NOS1: variants seen among roughly 807,000 people sequenced by gnomAD.
The protein encoded by NOS1 is nitric oxide synthase 1.
NOS1 carries 51 observed loss-of-function variants against 164.5 expected under a neutral mutation model. The ratio of observed to expected loss-of-function variants is 0.31; its 90% CI spans 0.25 to 0.39. The LOEUF (loss-of-function observed/expected upper bound fraction) is 0.39. NOS1 is among the 10% of genes least tolerant of loss of function. The probability of loss-of-function intolerance (pLI) is 1.00; values close to 1 mark genes in which losing one functional copy is unlikely to be tolerated. For synonymous variants in NOS1, 719 were observed against 745.8 expected (o/e 0.96, Z 0.59); for missense variants, 1,362 against 1,885.6 (o/e 0.72, Z 5.14).
chr12:117,261,178 C>CAAAAA lies in NOS1; in HGVS notation c.2223-574_2223-570dup, dbSNP rs534260940. 4.0e-4 allele frequency among the ~76,000 whole-genome samples: 31 copies of CAAAAA among 77,260 alleles called. 1 individual carries two copies. Among genetic ancestry groups the CAAAAA allele is most frequent in the African/African-American group, 1.1e-3 (25 of 22,006 alleles). 50.7% of individuals were successfully genotyped at this position (77,260 alleles called of 152,430 possible). On this transcript the variant is annotated intron_variant, in intron 13 of 28. Transcript: ENST00000317775. Reference sequence around the variant, plus strand: ...TGGGCGACAGAGTGAGACTCTGCCTCAAAAAAAAAAAAAAAAAAAAAAAAA... The same window carrying CAAAAA: ...TGGGCGACAGAGTGAGACTCTGCCTCAAAAAAAAAAAAAAAAAAAAAAAAAAAAAA...
At chr12:117,311,756 G>A (rs567678430) in intron 2 of NOS1, among the ~76,000 whole-genome samples, 164 bp from the exon 3 acceptor site, 1 of 152,278 alleles carries the variant, frequency 6.6e-6, no homozygotes, top group African/African-American at 2.4e-5. Flanking sequence ...TCATAAAGAC[G>A]GACAGTGACA....
At position 117,224,888 on chromosome 12, in the gene NOS1, G is replaced by A. The variant is rs978565684; in HGVS notation, c.3826+128C>T. On this transcript the variant is annotated intron_variant, in intron 25 of 28. Coordinates refer to ENST00000317775, the MANE Select transcript of NOS1 (RefSeq NM_000620.5). Reference sequence around the variant, plus strand: ...CCTGTAGGTCAGGCTGGTGCTACACGCCCCAGCTTTTCTGAGGCGGTGATG... The same window carrying A: ...CCTGTAGGTCAGGCTGGTGCTACACACCCCAGCTTTTCTGAGGCGGTGATG... The A allele has an allele frequency of 1.3e-5, 16 of 1,240,080 alleles. 1 individual carries two copies. The highest frequency in any genetic ancestry group is 2.6e-5 in the South Asian group (2 of 78,146). The allele number at this position is 1,240,080 out of a possible 1,614,324, so 76.8% of individuals were successfully genotyped here.
In NOS1 at chr12:117,330,519, C is replaced by T. The variant is rs750946444; in HGVS notation, c.551G>A (p.Gly184Asp). The part of the protein sequence containing the change: ...HANGLAPRPP[G>D]QDPAKKATRV... ...GGTTGCTTTCTTCGCGGGGTCCTGG[C>T]CTGGGGGCCTGGGGGCCAGGCCGTT... Residue 184 changes from glycine (G) to aspartate (D), a missense_variant, in exon 2 of 29, where the codon GGC (glycine) becomes GAC (aspartate). This residue lies in a region of NOS1 where 362 missense variants were observed against 402.0 expected (regional missense o/e 0.90). Transcript: ENST00000317775. The surrounding 1 kb of genome is among the most constrained non-coding windows in gnomAD (Gnocchi z 4.6). 1.2e-6 allele frequency: 2 copies of T among 1,613,902 alleles called. No homozygotes were observed. Among genetic ancestry groups the T allele is most frequent in the East Asian group, 2.2e-5 (1 of 44,868 alleles).
Position 117,243,448 on chromosome 12 carries a change from C to A in NOS1, c.2824-13G>T. 6.2e-7 allele frequency: 1 copy of A among 1,613,408 alleles called. No individual in the cohort carries two copies. Among genetic ancestry groups the A allele is most frequent in the South Asian group, 1.1e-5 (1 of 90,930 alleles). On this transcript the variant is annotated splice_polypyrimidine_tract_variant and intron_variant, in intron 18 of 28. Coordinates refer to ENST00000317775, the MANE Select transcript of NOS1 (RefSeq NM_000620.5). The surrounding 1 kb of genome is among the most constrained non-coding windows in gnomAD (Gnocchi z 4.3). The stretch of plus-strand genomic sequence containing the variant: ...CATCACAGGCTGCCTGTGGTGTACA[C>A]AAGGCTTTCAGTGACCTCTTTCAGC...
intron 2 of NOS1, among the ~76,000 whole-genome samples, chr12:117,322,622 C>A (rs914320438): frequency 1.4e-5 from 2 of 138,222 alleles, no homozygotes; most frequent in African/African-American, 5.4e-5. Context: ...TCCTTCCTAC[C>A]CTCTCTCATT....
At chr12:117,332,416 T>C (rs750236793) in intron 1 of NOS1, among the ~76,000 whole-genome samples, 81 of 152,180 alleles carry the variant, frequency 5.3e-4, no homozygotes, top group Non-Finnish European at 1.0e-3. Flanking sequence ...TTTAAACTTA[T>C]ACTCTAGCTC....
chr12:117,212,074 A>G lies in NOS1; in HGVS notation c.*3235T>C. 3.3e-6 allele frequency: 3 copies of G among 914,488 alleles called. No homozygotes were observed. Among genetic ancestry groups the G allele is most frequent in the Non-Finnish European group, 3.9e-6 (3 of 772,988 alleles). The allele number at this position is 914,488 out of a possible 1,614,324, so 56.6% of individuals were successfully genotyped here. On this transcript the variant is annotated 3_prime_UTR_variant, in exon 29 of 29. Coordinates refer to ENST00000317775, the MANE Select transcript of NOS1 (RefSeq NM_000620.5). ...GAGCAAGACTCTGTCAAAAAAAAAA[A>G]TAGATTCTAACCTTCTGCACGAGAG...
chr12:117,264,079 G>C, intron 12 of NOS1, 105 bp from the exon 13 acceptor site: 1 of 761,992 alleles, frequency 1.3e-6, no homozygotes, highest in Non-Finnish European at 2.1e-6. Flanking sequence ...CCTGACCCTC[G>C]GCCTCTGAAG....
At chr12:117,302,170 A>C in intron 3 of NOS1, 3 of 442,578 alleles carry the variant, frequency 6.8e-6, no homozygotes, top group Non-Finnish European at 9.1e-6. Flanking sequence ...GATATTGCTC[A>C]ATAAATATAT....
Position 117,226,690 on chromosome 12 carries a change from C to T in NOS1, c.3697G>A (p.Val1233Met), listed in dbSNP as rs757780284. 21 of 1,613,728 alleles carry T rather than the reference C, an allele frequency of 1.3e-5. No homozygotes were observed. The highest frequency in any genetic ancestry group is 2.2e-5 in the East Asian group (1 of 44,888). Reference protein sequence around the residue: ...IQADELVPCFVRGAPSFHLPR... With the variant: ...IQADELVPCFMRGAPSFHLPR... ...TCTCCACTTATTACTCACCCTCTCA[C>T]GAAACAGGGGACCAGTTCGTCAGCC... The change falls in exon 24 of 29, where the codon GTG (valine) becomes ATG (methionine). Residue 1233 changes from valine to methionine, a missense_variant. Transcript: ENST00000317775.
At position 117,214,069 on chromosome 12, in the gene NOS1, A is replaced by G. The variant is rs1370307307; in HGVS notation, c.*1240T>C. 1.0e-6 allele frequency: 1 copy of G among 985,246 alleles called. No individual in the cohort carries two copies. The highest frequency in any genetic ancestry group is 1.2e-6 in the Non-Finnish European group (1 of 829,924). 61.0% of individuals were successfully genotyped at this position (985,246 alleles called of 1,614,324 possible). A position where few individuals can be genotyped will look rare whatever the true frequency, so the allele number is the denominator to read the frequency against. The stretch of plus-strand genomic sequence containing the variant: ...CTGAGGGACAAGTTCTTCCCACCCC[A>G]AGTTGTGGCTCCTATCGAAGAAGCC... On this transcript the variant is annotated 3_prime_UTR_variant, in exon 29 of 29. Coordinates refer to ENST00000317775, the MANE Select transcript of NOS1 (RefSeq NM_000620.5).
intron 28 of NOS1, 52 bp downstream of exon 28, chr12:117,217,994 C>T: frequency 1.5e-6 from 2 of 1,306,454 alleles, no homozygotes; most frequent in Admixed American, 1.7e-5. Flanking sequence ...CCCAGTGGGA[C>T]CTAGAAGAGA....
intron 11 of NOS1, among the ~76,000 whole-genome samples, chr12:117,266,242 C>A (rs186774951): frequency 1.2e-4 from 19 of 152,040 alleles, no homozygotes; most frequent in African/African-American, 4.6e-4. Context: ...AATTTGTAGT[C>A]TTTTATCCCT....
At chr12:117,358,058 G>C (rs1271480388) in intron 1 of NOS1, among the ~76,000 whole-genome samples, 1 of 152,180 alleles carries the variant, frequency 6.6e-6, no homozygotes, top group East Asian at 1.9e-4. Flanking sequence ...GCCCCGCACA[G>C]ACCCACAGAA....
chr12:117,251,074 G>A (rs1871067784), intron 17 of NOS1, among the ~76,000 whole-genome samples: 1 of 152,140 alleles, frequency 6.6e-6, no homozygotes, highest in South Asian at 2.1e-4. Context: ...TCATGAAGGT[G>A]AAGCCTCATG....
intron 11 of NOS1, among the ~76,000 whole-genome samples, 160 bp downstream of exon 11, chr12:117,267,883 G>A (rs1266167836): frequency 2.0e-5 from 3 of 152,194 alleles, no homozygotes; most frequent in East Asian, 3.8e-4. Context: ...CCACACTGGA[G>A]AGGAGGGCAT....
chr12:117,347,550 C>A (rs1401903281), intron 1 of NOS1, among the ~76,000 whole-genome samples: 1 of 152,116 alleles, frequency 6.6e-6, no homozygotes, highest in Non-Finnish European at 1.5e-5. Context: ...TCACTATAGG[C>A]CTTTGACTGT....
At chr12:117,254,115 AT>A (rs1380551512) in intron 16 of NOS1, among the ~76,000 whole-genome samples, 8 of 151,312 alleles carry the variant, frequency 5.3e-5, no homozygotes, top group African/African-American at 1.7e-4. Flanking sequence ...AAAAAAAAAA[AT>A]TTTTTTTTGA....
intron 2 of NOS1, among the ~76,000 whole-genome samples, chr12:117,328,641 T>C (rs929556547): frequency 6.6e-6 from 1 of 152,116 alleles, no homozygotes; most frequent in Non-Finnish European, 1.5e-5. Flanking sequence ...CTCAGCTCAC[T>C]GCAACCTCTG....
Sources: gnomAD v4.1 joint callset for allele counts (sites outside exome capture counted in the v4.1 genomes callset) on GRCh38, gnomAD v4.1.1 for gene constraint, gnomAD v4.1.1 regional missense constraint, Gnocchi (gnomAD v3.1) non-coding constraint, MANE v1.5 for transcripts, NCBI Gene and HGNC (gene_info 2026-07-23, HGNC 2026-07-21) for gene names.